PTGR3: variants seen among roughly 807,000 people sequenced by gnomAD.
PTGR3 encodes the protein zinc binding alcohol dehydrogenase domain containing 2.
chr18:75,200,794 A>G, the PTGR3 span: 1 of 152,250 alleles, frequency 6.6e-6, no homozygotes, highest in African/African-American at 2.4e-5. Context: ...GATGGTAGAT[A>G]AAAGCCATTA....
At chr18:75,205,382 C>G in the PTGR3 span, 2 of 985,638 alleles carry the variant, frequency 2.0e-6, no homozygotes, top group Non-Finnish European at 1.2e-6. Context: ...CCCCCACCCC[C>G]CCTTTAATTG....
At chr18:75,200,850 C>A in the PTGR3 span, 1 of 152,136 alleles carries the variant, frequency 6.6e-6, no homozygotes, top group African/African-American at 2.4e-5. Flanking sequence ...AATCATTTTT[C>A]TAATAACAAA....
the PTGR3 span, among the ~76,000 whole-genome samples, chr18:75,204,596 G>A: frequency 6.6e-6 from 1 of 152,174 alleles, no homozygotes; most frequent in Non-Finnish European, 1.5e-5. Flanking sequence ...AGAAGTGCCC[G>A]CTGCAGCCCT....
At chr18:75,205,169 C>T in the PTGR3 span, 1 of 985,404 alleles carries the variant, frequency 1.0e-6, no homozygotes, top group Admixed American at 6.1e-5. Context: ...CCCTCCACAG[C>T]CCGGGACCCG....
chr18:75,201,508 A>G, the PTGR3 span: 3 of 1,613,974 alleles, frequency 1.9e-6, no homozygotes, highest in African/African-American at 4.0e-5. Context: ...CGGAATATGG[A>G]CTCCAGGCCA....
chr18:75,204,281 G>C, the PTGR3 span, among the ~76,000 whole-genome samples: 2 of 152,228 alleles, frequency 1.3e-5, no homozygotes, highest in African/African-American at 4.8e-5. Flanking sequence ...CCAGGCTGTG[G>C]TTTGCCGCTT....
At chr18:75,206,069 TTTTTC>T in the PTGR3 span, among the ~76,000 whole-genome samples, 50 of 152,336 alleles carry the variant, frequency 3.3e-4, no homozygotes, top group African/African-American at 9.6e-4. Context: ...TCTCTCTCTC[TTTTTC>T]TTTTCTAAGG....
the PTGR3 span, chr18:75,208,999 G>A: frequency 1.3e-6 from 2 of 1,591,580 alleles, no homozygotes; most frequent in Non-Finnish European, 1.7e-6. Context: ...AGTCCAGGAA[G>A]TGGCGGGCGT....
the PTGR3 span, chr18:75,201,750 A>G: frequency 6.2e-7 from 1 of 1,614,238 alleles, no homozygotes; most frequent in Non-Finnish European, 8.5e-7. Context: ...CCCTATTACT[A>G]TCAAGCGCCC....
chr18:75,207,016 A>G, the PTGR3 span, among the ~76,000 whole-genome samples: 2 of 152,310 alleles, frequency 1.3e-5, no homozygotes, highest in African/African-American at 4.8e-5. Flanking sequence ...CCAGGGCAGC[A>G]GTAAGCCTGA....
chr18:75,204,114 A>G, the PTGR3 span, among the ~76,000 whole-genome samples: 1 of 152,236 alleles, frequency 6.6e-6, no homozygotes, highest in Admixed American at 6.5e-5. Flanking sequence ...GTGTCTCCAC[A>G]GTCCCAAAGG....
the PTGR3 span, chr18:75,202,087 C>T: frequency 6.2e-7 from 1 of 1,614,098 alleles, no homozygotes; most frequent in East Asian, 2.2e-5. Flanking sequence ...GTGCCACTTA[C>T]CAGCAGGGTA....
chr18:75,209,114 C>A, the PTGR3 span: 1 of 1,371,658 alleles, frequency 7.3e-7, no homozygotes. This position sits in a 1 kb window ranked among gnomAD's most constrained non-coding sequence, Gnocchi z 4.7. Context: ...GGCCCCCGCC[C>A]GGGCCGCTCG....
At chr18:75,204,325 A>G in the PTGR3 span, among the ~76,000 whole-genome samples, 2 of 152,238 alleles carry the variant, frequency 1.3e-5, no homozygotes, top group African/African-American at 4.8e-5. Flanking sequence ...AGCAGGACGC[A>G]CACCGGAGCA....
chr18:75,201,452 T>A, the PTGR3 span: 9 of 1,613,106 alleles, frequency 5.6e-6, no homozygotes, highest in Non-Finnish European at 7.6e-6. Flanking sequence ...GTAATTCAAC[T>A]ACAATTTTTC....
the PTGR3 span, chr18:75,200,612 G>A: frequency 2.0e-5 from 3 of 152,266 alleles, no homozygotes; most frequent in African/African-American, 7.2e-5. Context: ...AACCCCCACT[G>A]AGAATGGAGC....
At chr18:75,203,728 T>C in the PTGR3 span, among the ~76,000 whole-genome samples, 2 of 151,742 alleles carry the variant, frequency 1.3e-5, no homozygotes, top group Admixed American at 6.6e-5. Flanking sequence ...TGGAATTTAA[T>C]ATCAAGATGC....
At chr18:75,199,143 T>A in the PTGR3 span, 3 of 152,680 alleles carry the variant, frequency 2.0e-5, no homozygotes, top group African/African-American at 7.2e-5. Context: ...TTATATTTTA[T>A]TTTAATCCTG....
chr18:75,208,481 G>A, the PTGR3 span: 1 of 1,027,824 alleles, frequency 9.7e-7, no homozygotes, highest in Non-Finnish European at 1.2e-6. Flanking sequence ...TGTCAACGCA[G>A]GAACTGTGGG....
Sources: gnomAD v4.1 joint callset for allele counts (sites outside exome capture counted in the v4.1 genomes callset) on GRCh38, gnomAD v4.1.1 for gene constraint, Gnocchi (gnomAD v3.1) non-coding constraint, MANE v1.5 for transcripts, NCBI Gene and HGNC (gene_info 2026-07-23, HGNC 2026-07-21) for gene names.